Variants in G2E3 observed in about 807,000 individuals in gnomAD.
G2E3 encodes the protein G2/M-phase specific E3 ubiquitin protein ligase.
In G2E3, 35 loss-of-function variants were observed where a neutral mutation model predicts 92.8. That is an observed-to-expected ratio of 0.38 (90% confidence interval 0.29 to 0.50). The LOEUF is 0.50. G2E3 is among the 20% of genes least tolerant of loss of function. G2E3 has a pLI of 0.94. For synonymous variants in G2E3, 242 were observed against 272.4 expected, an observed-to-expected ratio of 0.89 and a Z score of 1.10; for missense variants, 554 against 823.8, an observed-to-expected ratio of 0.67 and a Z score of 4.01.
At chr14:30,587,623 G>C (rs551359134) in intron 3 of G2E3, among the ~76,000 whole-genome samples, 25 of 152,248 alleles carry the variant, frequency 1.6e-4, no homozygotes, top group Admixed American at 1.5e-3. Flanking sequence ...GACTTTACTA[G>C]GTTGCAGGAT....
At chr14:30,562,947 G>A (rs1474128908) in intron 1 of G2E3, among the ~76,000 whole-genome samples, 2 of 152,304 alleles carry the variant, frequency 1.3e-5, no homozygotes, top group East Asian at 3.9e-4. Flanking sequence ...ATGGCTCACT[G>A]CCCCTTTGTC....
intron 1 of G2E3, among the ~76,000 whole-genome samples, chr14:30,569,911 T>A (rs1955812292): frequency 6.6e-6 from 1 of 152,206 alleles, no homozygotes; most frequent in Non-Finnish European, 1.5e-5. Context: ...CTACTTAGAA[T>A]GCTTTTTCTG....
At chr14:30,560,487 G>T in intron 1 of G2E3, 1 of 319,408 alleles carries the variant, frequency 3.1e-6, no homozygotes, top group Non-Finnish European at 5.7e-6. Context: ...AGGAAGAATA[G>T]ACTTAAATAC....
Position 30,619,553 on chromosome 14 carries a change from C to CA in G2E3, c.*3023dup, listed in dbSNP as rs1329763497. 1 of 152,048 alleles carries CA rather than the reference C, an allele frequency of 6.6e-6. No homozygotes were observed. Among genetic ancestry groups the CA allele is most frequent in the Non-Finnish European group, 1.5e-5 (1 of 67,960 alleles). The allele number at this position is 152,048 out of a possible 1,614,324, so 9.4% of individuals were successfully genotyped here. On this transcript the variant is annotated 3_prime_UTR_variant, in exon 15 of 15. Coordinates refer to ENST00000206595, the MANE Select transcript of G2E3 (RefSeq NM_017769.5). ...GTTTCATGCTTCAAGTAATGCAATA[C>CA]AAAACATAACCCATTTAATGATGAA...
rs768729025 is a variant in G2E3, at chr14:30,616,425, C to G, written c.2012C>G (p.Ala671Gly). The change falls in exon 15 of 15, where the codon GCA (alanine) becomes GGA (glycine). Residue 671 changes from alanine (A) to glycine (G), a missense_variant. By Grantham distance (60) the Ala-to-Gly change is moderately conservative. Around this residue, in one of 3 missense-constraint regions of G2E3, gnomAD observed 397 missense variants for 560.3 expected, o/e 0.71. Coordinates refer to ENST00000206595, the MANE Select transcript of G2E3 (RefSeq NM_017769.5). ...GGAAACAAGTGTAATAACTGTTTAG[C>G]AATTCCCATCACCAATACATATAAA... is the stretch of plus-strand genomic sequence containing the variant. ...PVGNKCNNCL[A>G]IPITNTYKEF... The G allele has an allele frequency of 6.2e-7, 1 of 1,611,104 alleles. No individual in the cohort carries two copies. The highest frequency in any genetic ancestry group is 1.1e-5 in the South Asian group (1 of 90,996).
intron 3 of G2E3, among the ~76,000 whole-genome samples, chr14:30,588,546 G>A (rs1431601926): frequency 6.6e-6 from 1 of 151,902 alleles, no homozygotes; most frequent in Non-Finnish European, 1.5e-5. Context: ...TAAAAAAAAA[G>A]TACTGACCCC....
chr14:30,615,672 A>C (rs1882281361), intron 14 of G2E3, 133 bp downstream of exon 14: 1 of 487,094 alleles, frequency 2.1e-6, no homozygotes, highest in Non-Finnish European at 3.6e-6. Flanking sequence ...TTACAAAAGA[A>C]AGTTATTTCA....
intron 1 of G2E3, among the ~76,000 whole-genome samples, chr14:30,563,031 C>A (rs947629525): frequency 6.6e-6 from 1 of 152,052 alleles, no homozygotes; most frequent in African/African-American, 2.4e-5. Flanking sequence ...TGATAGTGGT[C>A]CCCCGGGCCC....
chr14:30,582,012 G>A (rs1295733971), intron 2 of G2E3, among the ~76,000 whole-genome samples: 3 of 152,126 alleles, frequency 2.0e-5, no homozygotes, highest in Admixed American at 2.0e-4. Context: ...ACCACATTAT[G>A]TTGGATAAGG....
intron 5 of G2E3, among the ~76,000 whole-genome samples, chr14:30,593,119 C>T (rs17433265): frequency 0.019 from 2,925 of 152,168 alleles, 52 homozygotes; most frequent in Middle Eastern, 0.034. Flanking sequence ...GCGTAAGTTC[C>T]TGCCTCCCTT....
At chr14:30,604,170 T>C (rs1718750127) in intron 10 of G2E3, among the ~76,000 whole-genome samples, 2 of 152,224 alleles carry the variant, frequency 1.3e-5, no homozygotes, top group African/African-American at 4.8e-5. Flanking sequence ...AGCATTCCCC[T>C]GATCCAGGCA....
At chr14:30,590,198 A>G (rs774173366) in intron 4 of G2E3, among the ~76,000 whole-genome samples, 11 of 152,114 alleles carry the variant, frequency 7.2e-5, no homozygotes, top group Non-Finnish European at 1.6e-4. Context: ...AATGATTTTC[A>G]TGGGGGAGCA....
intron 6 of G2E3, among the ~76,000 whole-genome samples, chr14:30,596,804 T>C (rs1881313560): frequency 6.6e-6 from 1 of 152,236 alleles, no homozygotes. Flanking sequence ...CATAGCATGG[T>C]GTTTGGCATC....
At chr14:30,592,564 T>A (rs1881071999) in intron 5 of G2E3, 117 bp downstream of exon 5, 1 of 746,744 alleles carries the variant, frequency 1.3e-6, no homozygotes, top group Non-Finnish European at 2.1e-6. Flanking sequence ...AGTTTAGATA[T>A]AACATTATAT....
At position 30,618,043 on chromosome 14, in the gene G2E3, T is replaced by C. The variant is rs1275590286; in HGVS notation, c.*1509T>C. Reference sequence around the variant, plus strand: ...AAGAAAAATCATTACATTATTGATATTTTTTAAGTAACAGAATAGATTTGA... The same window carrying C: ...AAGAAAAATCATTACATTATTGATACTTTTTAAGTAACAGAATAGATTTGA... On this transcript the variant is annotated 3_prime_UTR_variant, in exon 15 of 15. Coordinates refer to ENST00000206595, the MANE Select transcript of G2E3 (RefSeq NM_017769.5). 6.6e-6 allele frequency: 1 copy of C among 152,076 alleles called. No homozygotes were observed. The allele number at this position is 152,076 out of a possible 1,614,324, so 9.4% of individuals were successfully genotyped here. A position where few individuals can be genotyped will look rare whatever the true frequency, so the allele number is the denominator to read the frequency against.
At chr14:30,613,708 T>C (rs1882193572) in intron 13 of G2E3, among the ~76,000 whole-genome samples, 1 of 151,996 alleles carries the variant, frequency 6.6e-6, no homozygotes. Context: ...GTTTTTTTTT[T>C]TAAAATCAAA....
chr14:30,562,370 T>C (rs534756940), intron 1 of G2E3, among the ~76,000 whole-genome samples: 76 of 152,198 alleles, frequency 5.0e-4, no homozygotes, highest in African/African-American at 1.6e-3. Context: ...AATCATAACC[T>C]AGGAAAAACC....
chr14:30,587,309 A>G (rs1880765462), intron 3 of G2E3, among the ~76,000 whole-genome samples: 1 of 152,132 alleles, frequency 6.6e-6, no homozygotes, highest in African/African-American at 2.4e-5. Context: ...CAAACGAGTG[A>G]TTTCATACTC....
intron 6 of G2E3, among the ~76,000 whole-genome samples, chr14:30,595,282 A>G (rs953922704): frequency 6.6e-6 from 1 of 152,226 alleles, no homozygotes; most frequent in Non-Finnish European, 1.5e-5. Context: ...TGTTCATATT[A>G]TATGAGAATC....
Sources: allele counts gnomAD v4.1 joint callset (sites outside exome capture counted in the v4.1 genomes callset), GRCh38; gene constraint gnomAD v4.1.1; regional missense constraint gnomAD v4.1.1; transcripts MANE v1.5; gene names NCBI Gene and HGNC (gene_info 2026-07-23, HGNC 2026-07-21).